Variants in ADGRG7 observed in about 807,000 individuals in gnomAD.
ADGRG7 encodes the protein adhesion G protein-coupled receptor G7.
Under a neutral mutation model 88.6 loss-of-function variants are expected in ADGRG7, and 82 were observed. The ratio of observed to expected loss-of-function variants is 0.93; its 90% CI spans 0.77 to 1.11. The LOEUF (loss-of-function observed/expected upper bound fraction) is 1.11, where lower values mean the gene tolerates loss of function less well. Ranked by LOEUF, ADGRG7 falls within the 50% of genes most tolerant of loss-of-function variation. The pLI is 0.00. For missense variants in ADGRG7, 945 were observed against 953.4 expected, an observed-to-expected ratio of 0.99 and a Z score of 0.12; for synonymous variants, 381 against 345.2, an observed-to-expected ratio of 1.10 and a Z score of -1.15.
At chr3:100,647,707 C>CA (rs11451477) in intron 10 of ADGRG7, among the ~76,000 whole-genome samples, 135,456 of 151,822 alleles carry the variant, frequency 0.89, 62,290 homozygotes, top group South Asian at 0.99. Context: ...TCCGGTGAAA[C>CA]AAAAAAAAGT....
intron 1 of ADGRG7, among the ~76,000 whole-genome samples, chr3:100,614,204 G>C (rs556321669): frequency 6.6e-6 from 1 of 152,246 alleles, no homozygotes; most frequent in East Asian, 1.9e-4. Flanking sequence ...TTTGGATTGA[G>C]ACTCAAATTA....
chr3:100,674,577 TC>T (rs1481227199), intron 15 of ADGRG7, among the ~76,000 whole-genome samples: 2 of 134,140 alleles, frequency 1.5e-5, no homozygotes, highest in African/African-American at 5.3e-5. Context: ...CTTTCTTAAT[TC>T]CTTTTTTTTT....
Position 100,615,369 on chromosome 3 carries a change from G to T in ADGRG7, c.115+5398G>T, listed in dbSNP as rs114581379. ...AGTACTATTTTTGCTGTATTTTGTG[G>T]GTAATTTAGGTATTTCAGAGGCTAG... On this transcript the variant is annotated intron_variant, in intron 1 of 15. Transcript: ENST00000273352. Among the ~76,000 whole-genome samples the T allele has an allele frequency of 4.1e-3, 629 of 152,248 alleles. 6 individuals carry two copies. Among genetic ancestry groups the T allele is most frequent in the African/African-American group, 0.015 (607 of 41,550 alleles).
At chr3:100,690,866 G>A (rs975641170) in intron 15 of ADGRG7, among the ~76,000 whole-genome samples, 11 of 152,224 alleles carry the variant, frequency 7.2e-5, no homozygotes, top group African/African-American at 2.7e-4. Context: ...CAAGCTGTGT[G>A]CTGGGAGAAC....
chr3:100,611,174 C>T (rs1233385313), intron 1 of ADGRG7, among the ~76,000 whole-genome samples: 2 of 151,904 alleles, frequency 1.3e-5, no homozygotes, highest in Non-Finnish European at 2.9e-5. Flanking sequence ...TGGATTTTAC[C>T]CCATTAAGGC....
At chr3:100,677,929 C>T (rs577487525) in intron 15 of ADGRG7, among the ~76,000 whole-genome samples, 1 of 152,072 alleles carries the variant, frequency 6.6e-6, no homozygotes, top group Admixed American at 6.5e-5. Flanking sequence ...GCTTGGTGTT[C>T]TATAATCTTC....
At chr3:100,668,377 T>C (rs2094954314) in intron 14 of ADGRG7, among the ~76,000 whole-genome samples, 1 of 152,198 alleles carries the variant, frequency 6.6e-6, no homozygotes, top group African/African-American at 2.4e-5. Flanking sequence ...CTTAACATAG[T>C]GGTCTCAGGG....
At chr3:100,613,377 G>C (rs1470815917) in intron 1 of ADGRG7, among the ~76,000 whole-genome samples, 1 of 152,086 alleles carries the variant, frequency 6.6e-6, no homozygotes, top group Non-Finnish European at 1.5e-5. Flanking sequence ...GCATTTGGGG[G>C]TTTAAAAAAT....
At chr3:100,621,368 C>T (rs1208642446) in intron 1 of ADGRG7, among the ~76,000 whole-genome samples, 2 of 152,156 alleles carry the variant, frequency 1.3e-5, no homozygotes, top group Non-Finnish European at 2.9e-5. Context: ...ATTGTGATTG[C>T]AAAGGAAAAG....
chr3:100,613,536 A>T (rs1707184966), intron 1 of ADGRG7, among the ~76,000 whole-genome samples: 2 of 104,948 alleles, frequency 1.9e-5, no homozygotes, highest in Admixed American at 2.0e-4. Context: ...CACCCCCTAA[A>T]TTAAAAAAAA....
chr3:100,672,781 T>C (rs2094960370), intron 15 of ADGRG7, among the ~76,000 whole-genome samples: 1 of 152,228 alleles, frequency 6.6e-6, no homozygotes, highest in African/African-American at 2.4e-5. Context: ...TGTTGAATTT[T>C]GTCGAAGGCC....
In ADGRG7 at chr3:100,655,045, C is replaced by T. The variant is rs145956384; in HGVS notation, c.1590C>T (p.Ala530=). 9 of 1,613,966 alleles carry T rather than the reference C, an allele frequency of 5.6e-6. No homozygotes were observed. Among genetic ancestry groups the T allele is most frequent in the Admixed American group, 1.7e-5 (1 of 59,994 alleles). ...CGAATCCCATGTGCACTGCGATTGC[C>T]GCCTTACTGCACTATTTTCTGTTAG... The part of the protein sequence containing the change: ...NIPNPMCTAI[A]ALLHYFLLVT... Residue 530 remains alanine (A), a synonymous_variant, in exon 12 of 16, where the codon GCC becomes GCT. Transcript: ENST00000273352.
chr3:100,657,172 GA>G (rs1310193453), intron 13 of ADGRG7, among the ~76,000 whole-genome samples: 48 of 152,256 alleles, frequency 3.2e-4, no homozygotes, highest in African/African-American at 1.1e-3. Flanking sequence ...CTGATAATAA[GA>G]GAAGCTGGGG....
chr3:100,617,986 A>C (rs534632151), intron 1 of ADGRG7, among the ~76,000 whole-genome samples: 1 of 152,056 alleles, frequency 6.6e-6, no homozygotes, highest in Non-Finnish European at 1.5e-5. Context: ...GCATTTTTTC[A>C]TGTGTCTATT....
chr3:100,625,394 A>G (rs9861495), intron 1 of ADGRG7, among the ~76,000 whole-genome samples: 77,325 of 152,038 alleles, frequency 0.51, 21,748 homozygotes, highest in South Asian at 0.76. Flanking sequence ...TTGTATCCTG[A>G]GACTTAGCTG....
At chr3:100,622,264 A>ATTTTTT (rs57699713) in intron 1 of ADGRG7, among the ~76,000 whole-genome samples, 8 of 130,904 alleles carry the variant, frequency 6.1e-5, no homozygotes, top group East Asian at 4.5e-4. Flanking sequence ...CTCTATATTC[A>ATTTTTT]TTTTTTTTTT....
chr3:100,655,015 C>T lies in ADGRG7; in HGVS notation c.1560C>T (p.Asn520=), dbSNP rs1389585639. ...NNDIPRTDTI[N]IPNPMCTAIA... ...ACATACCCAGGACAGACACCATTAA[C>T]ATCCCGAATCCCATGTGCACTGCGA... The change falls in exon 12 of 16, where the codon AAC becomes AAT. Residue 520 remains asparagine (N), a synonymous_variant. Transcript: ENST00000273352. 2.5e-6 allele frequency: 4 copies of T among 1,614,058 alleles called. No individual in the cohort carries two copies. The Admixed American group carries it at 5.0e-5, about 20-fold the overall frequency.
chr3:100,656,181 G>A (rs1055885949), intron 13 of ADGRG7, among the ~76,000 whole-genome samples, 186 bp downstream of exon 13: 3 of 152,146 alleles, frequency 2.0e-5, no homozygotes, highest in African/African-American at 7.2e-5. Context: ...TTTCCCATAA[G>A]TCCTTTTGTA....
At chr3:100,649,565 G>A in intron 10 of ADGRG7, 130 bp from the exon 11 acceptor site, 1 of 563,932 alleles carries the variant, frequency 1.8e-6, no homozygotes, top group Non-Finnish European at 3.2e-6. Flanking sequence ...AATATATCAT[G>A]AGCTTTACAA....
Sources: allele counts gnomAD v4.1 joint callset (sites outside exome capture counted in the v4.1 genomes callset), GRCh38; gene constraint gnomAD v4.1.1; transcripts MANE v1.5; gene names NCBI Gene and HGNC (gene_info 2026-07-23, HGNC 2026-07-21).